Variants in SLC30A10 observed in about 807,000 individuals in gnomAD.
SLC30A10 encodes solute carrier family 30 member 10.
In SLC30A10, 8 loss-of-function variants were observed where a neutral mutation model predicts 21.7. That is an observed-to-expected ratio of 0.37 (90% confidence interval 0.22 to 0.67). The LOEUF (loss-of-function observed/expected upper bound fraction) is 0.67. SLC30A10 is among the 30% of genes least tolerant of loss of function. The pLI is 0.58. For synonymous variants in SLC30A10, 272 were observed against 279.4 expected (o/e 0.97, Z 0.26); for missense variants, 521 against 642.5 (o/e 0.81, Z 2.04).
intron 1 of SLC30A10, among the ~76,000 whole-genome samples, chr1:219,938,241 C>T (rs1170996619): frequency 6.6e-6 from 1 of 152,088 alleles, no homozygotes; most frequent in Admixed American, 6.5e-5. Context: ...CTGGAGATGG[C>T]CTACATGGTT....
At chr1:219,938,105 C>T (rs1010394598) in intron 1 of SLC30A10, among the ~76,000 whole-genome samples, 3 of 151,944 alleles carry the variant, frequency 2.0e-5, no homozygotes, top group Non-Finnish European at 2.9e-5. Context: ...ATGTAGTTAC[C>T]ATGTTGGATC....
At chr1:219,952,570 G>A (rs1292920708) in intron 1 of SLC30A10, among the ~76,000 whole-genome samples, 1 of 40,576 alleles carries the variant, frequency 2.5e-5, no homozygotes, top group African/African-American at 3.3e-4. Context: ...CTGTATGATT[G>A]TGGAATTTGT....
chr1:219,925,019 G>T (rs975518439), intron 2 of SLC30A10, among the ~76,000 whole-genome samples: 2 of 152,152 alleles, frequency 1.3e-5, no homozygotes, highest in Non-Finnish European at 2.9e-5. Context: ...AGCTAAAGGT[G>T]CACTGGTGTC....
At chr1:219,948,211 C>T (rs1455576241) in intron 1 of SLC30A10, among the ~76,000 whole-genome samples, 1 of 150,184 alleles carries the variant, frequency 6.7e-6, no homozygotes. Flanking sequence ...GATTCAATGC[C>T]ATCCCCATCA....
At chr1:219,923,931 C>T (rs757017544) in intron 2 of SLC30A10, among the ~76,000 whole-genome samples, 4 of 152,120 alleles carry the variant, frequency 2.6e-5, no homozygotes, top group Non-Finnish European at 5.9e-5. Context: ...GGTGCAGTGG[C>T]GCGCGCCTGT....
chr1:219,928,374 CGAA>C lies in SLC30A10; in HGVS notation c.64_66del (p.Phe22del), dbSNP rs1304234107. 2 of 1,613,486 alleles carry C rather than the reference CGAA, an allele frequency of 1.2e-6. No individual in the cohort carries two copies. Among genetic ancestry groups the C allele is most frequent in the African/African-American group, 1.3e-5 (1 of 75,020 alleles). ...AGGTAGCCGGAGACCAGCTCCGCCA[CGAA>C]GAAGGCGACGGTGAGCACCAGCATG... On this transcript the variant is annotated inframe_deletion, in exon 1 of 4. Coordinates refer to ENST00000366926, the MANE Select transcript of SLC30A10 (RefSeq NM_018713.3). The surrounding 1 kb of genome is among the most constrained non-coding windows in gnomAD (Gnocchi z 6.3).
Position 219,928,522 on chromosome 1 carries a change from G to C in SLC30A10, c.-82C>G. On this transcript the variant is annotated 5_prime_UTR_variant, in exon 1 of 4. Coordinates refer to ENST00000366926, the MANE Select transcript of SLC30A10 (RefSeq NM_018713.3). This position sits in a 1 kb window ranked among gnomAD's most constrained non-coding sequence, Gnocchi z 6.3. ...CGCAGCCACAGGTGGGGGGCGCGGC[G>C]CGGATCCGTGAGGCCCGGTACCCGC... is the stretch of plus-strand genomic sequence containing the variant. The C allele has an allele frequency of 1.5e-6, 2 of 1,312,506 alleles. No individual in the cohort carries two copies. The highest frequency in any genetic ancestry group is 2.0e-6 in the Non-Finnish European group (2 of 1,008,422). 81.3% of individuals were successfully genotyped at this position (1,312,506 alleles called of 1,614,324 possible).
At chr1:219,940,846 A>G (rs1013733265) in intron 1 of SLC30A10, among the ~76,000 whole-genome samples, 1 of 152,226 alleles carries the variant, frequency 6.6e-6, no homozygotes, top group Non-Finnish European at 1.5e-5. Flanking sequence ...ATGCCTTTCA[A>G]GTGAGACTAT....
At chr1:219,928,605 C>T (rs1177440295), upstream of SLC30A10, 3 of 567,060 alleles carry the variant, frequency 5.3e-6, no homozygotes, top group Admixed American at 1.2e-4. The surrounding 1 kb of genome is among the most constrained non-coding windows in gnomAD (Gnocchi z 6.3). Context: ...AGGCCGAGCG[C>T]CACCAGTCCC....
intron 1 of SLC30A10, among the ~76,000 whole-genome samples, chr1:219,936,033 A>G (rs982440438): frequency 3.3e-5 from 5 of 152,208 alleles, no homozygotes; most frequent in African/African-American, 4.8e-5. Flanking sequence ...TGTGGCAGAA[A>G]AGTAGAGAGA....
chr1:219,943,455 C>T (rs1339973034), intron 1 of SLC30A10, among the ~76,000 whole-genome samples: 2 of 152,140 alleles, frequency 1.3e-5, no homozygotes, highest in Non-Finnish European at 2.9e-5. Flanking sequence ...TAACAAGCAG[C>T]ACCCCTTCCA....
chr1:219,915,655 C>T lies in SLC30A10; in HGVS notation c.1252G>A (p.Gly418Arg), dbSNP rs202169262. The T allele has an allele frequency of 6.2e-7, 1 of 1,614,190 alleles. No homozygotes were observed. The highest frequency in any genetic ancestry group is 8.5e-7 in the Non-Finnish European group (1 of 1,180,028). ...GCAKQLCCPPGALPLAHVNGC... is the reference protein window; with the variant it reads ...GCAKQLCCPPRALPLAHVNGC... ...TTGACGTGAGCCAGAGGCAGTGCCC[C>T]GGGGGGACAACACAGCTGCTTAGCA... The change falls in exon 4 of 4, where the codon GGG (glycine) becomes AGG (arginine). Residue 418 changes from glycine (G) to arginine (R), a missense_variant. By Grantham distance (125) the Gly-to-Arg change is moderately radical. Coordinates refer to ENST00000366926, the MANE Select transcript of SLC30A10 (RefSeq NM_018713.3).
chr1:219,929,327 G>A (rs146465103), upstream of SLC30A10, among the ~76,000 whole-genome samples: 1,094 of 152,190 alleles, frequency 7.2e-3, 14 homozygotes, highest in African/African-American at 0.026. Flanking sequence ...CTCCTGCCTA[G>A]CACTCGAAGG....
chr1:219,918,223 A>T lies in SLC30A10; in HGVS notation c.958+32T>A. The T allele has an allele frequency of 6.2e-7, 1 of 1,606,894 alleles. No homozygotes were observed. ...TTGGCCTGAATAACATTAAATTGAG[A>T]GTGGTTCTGGATCAAAATTCAGTCT... On this transcript the variant is annotated intron_variant, in intron 3 of 3. Coordinates refer to ENST00000366926, the MANE Select transcript of SLC30A10 (RefSeq NM_018713.3). The surrounding 1 kb of genome is among the most constrained non-coding windows in gnomAD (Gnocchi z 4.4).
chr1:219,936,638 C>G (rs1029974645), intron 1 of SLC30A10, among the ~76,000 whole-genome samples: 2 of 152,152 alleles, frequency 1.3e-5, no homozygotes, highest in African/African-American at 4.8e-5. Flanking sequence ...CATTTCTTGT[C>G]TGGTCATTAA....
intron 1 of SLC30A10, among the ~76,000 whole-genome samples, chr1:219,940,690 C>T (rs945924877): frequency 6.6e-6 from 1 of 152,164 alleles, no homozygotes; most frequent in African/African-American, 2.4e-5. Context: ...AGGGTTTTCC[C>T]ATGTCCTGAG....
chr1:219,930,305 C>T (rs547635290), upstream of SLC30A10, among the ~76,000 whole-genome samples: 3 of 152,140 alleles, frequency 2.0e-5, no homozygotes, highest in South Asian at 6.2e-4. Context: ...AACCCCATCT[C>T]TACAAAAAAT....
intron 1 of SLC30A10, among the ~76,000 whole-genome samples, chr1:219,940,240 C>T (rs780238560): frequency 7.2e-5 from 11 of 152,320 alleles, no homozygotes; most frequent in African/African-American, 1.2e-4. Context: ...GAAGCCAAGA[C>T]GCAAGGAGCA....
At chr1:219,929,580 G>A (rs1659934881), upstream of SLC30A10, among the ~76,000 whole-genome samples, 2 of 152,108 alleles carry the variant, frequency 1.3e-5, no homozygotes, top group East Asian at 3.9e-4. Flanking sequence ...GAGTGCAATG[G>A]CGCCATCTCG....
Sources: gnomAD v4.1 joint callset for allele counts (sites outside exome capture counted in the v4.1 genomes callset) on GRCh38, gnomAD v4.1.1 for gene constraint, Gnocchi (gnomAD v3.1) non-coding constraint, MANE v1.5 for transcripts, NCBI Gene and HGNC (gene_info 2026-07-23, HGNC 2026-07-21) for gene names.